The following EXOC4 variants were observed in gnomAD, a reference collection of about 807,000 sequenced individuals.
EXOC4 encodes SEC8-like 1.
In EXOC4, 71 loss-of-function variants were observed where a neutral mutation model predicts 107.2. The ratio of observed to expected loss-of-function variants is 0.66; its 90% CI spans 0.55 to 0.81. EXOC4 has a LOEUF of 0.81. Among genes scored for constraint, EXOC4 ranks in the 30% least tolerant of loss-of-function variants. The probability of loss-of-function intolerance (pLI) is 0.00; values close to 1 mark genes in which losing one functional copy is unlikely to be tolerated. For missense variants in EXOC4, 1,108 were observed against 1,189.6 expected, an observed-to-expected ratio of 0.93 and a Z score of 1.01; for synonymous variants, 456 against 441.2, an observed-to-expected ratio of 1.03 and a Z score of -0.42.
At chr7:133,480,806 C>T (rs1449230220) in intron 9 of EXOC4, 1 of 152,016 alleles carries the variant, frequency 6.6e-6, no homozygotes, top group Non-Finnish European at 1.5e-5. Context: ...GTAATCTCAG[C>T]ACTTTGGGAG....
At chr7:133,909,353 G>A (rs1799637706) in intron 12 of EXOC4, among the ~76,000 whole-genome samples, 1 of 152,152 alleles carries the variant, frequency 6.6e-6, no homozygotes, top group African/African-American at 2.4e-5. Context: ...TAAGGATGAT[G>A]TGATTAAACA....
chr7:133,412,278 GTTTTTTTTT>G (rs35334259), intron 7 of EXOC4, among the ~76,000 whole-genome samples: 23 of 71,482 alleles, frequency 3.2e-4, no homozygotes, highest in Middle Eastern at 0.018. Flanking sequence ...TCAGAATTCA[GTTTTTTTTT>G]TTTTTTTTTT....
intron 14 of EXOC4, among the ~76,000 whole-genome samples, chr7:133,939,348 C>G (rs185844807): frequency 2.0e-4 from 30 of 152,220 alleles, no homozygotes; most frequent in African/African-American, 7.2e-4. Context: ...GTCTAAGGAA[C>G]CCCTTGAGTG....
Position 133,317,362 on chromosome 7 carries a change from T to A in EXOC4, c.735T>A (p.Ser245=). 1 of 1,610,650 alleles carries A rather than the reference T, an allele frequency of 6.2e-7. No homozygotes were observed. The highest frequency in any genetic ancestry group is 1.1e-5 in the South Asian group (1 of 91,004). Residue 245 remains serine (S), a synonymous_variant, in exon 5 of 18, where the codon TCT becomes TCA. Transcript: ENST00000253861. ...CTCCTCGAAAATTCCTTGATACCTC[T>A]CACTATTCTACTGCTGGAAGCTCAA... ...LPTPRKFLDT[S]HYSTAGSSSV... is the part of the protein sequence containing the mutation.
chr7:133,848,591 C>A (rs904837541), intron 11 of EXOC4, among the ~76,000 whole-genome samples: 1 of 152,214 alleles, frequency 6.6e-6, no homozygotes, highest in Non-Finnish European at 1.5e-5. Context: ...TGAATGCACA[C>A]ATGGCATTTT....
chr7:133,323,437 G>T (rs1464315415), intron 5 of EXOC4, among the ~76,000 whole-genome samples: 1 of 152,040 alleles, frequency 6.6e-6, no homozygotes, highest in Non-Finnish European at 1.5e-5. Context: ...GTTGAATTTT[G>T]TCAAAGGCCT....
At chr7:133,443,044 A>G (rs1798138922) in intron 7 of EXOC4, among the ~76,000 whole-genome samples, 1 of 152,118 alleles carries the variant, frequency 6.6e-6, no homozygotes, top group African/African-American at 2.4e-5. Flanking sequence ...GGTGTTTGTG[A>G]AGTAGTGGAG....
intron 7 of EXOC4, among the ~76,000 whole-genome samples, chr7:133,404,878 C>CT (rs1471716082): frequency 1.5e-5 from 1 of 65,666 alleles, no homozygotes; most frequent in Non-Finnish European, 2.9e-5. Context: ...TGCGCCCCCC[C>CT]CCCCAATACA....
chr7:134,061,609 T>C (rs113633717), intron 17 of EXOC4, among the ~76,000 whole-genome samples: 228 of 152,326 alleles, frequency 1.5e-3, no homozygotes, highest in Non-Finnish European at 2.9e-3. Context: ...GAGCCCCAGA[T>C]TCACTCTCAT....
intron 5 of EXOC4, among the ~76,000 whole-genome samples, chr7:133,347,227 T>C (rs1490365066): frequency 6.6e-6 from 1 of 151,736 alleles, no homozygotes; most frequent in Non-Finnish European, 1.5e-5. Flanking sequence ...ATCAAGGATA[T>C]ATAGACGTAA....
chr7:134,048,043 A>C (rs1313317587), intron 17 of EXOC4, among the ~76,000 whole-genome samples: 1 of 152,222 alleles, frequency 6.6e-6, no homozygotes, highest in African/African-American at 2.4e-5. Context: ...GTTGAGTCAC[A>C]GATGAAATCA....
chr7:133,887,722 C>A (rs1189817482), intron 11 of EXOC4, among the ~76,000 whole-genome samples: 1 of 152,212 alleles, frequency 6.6e-6, no homozygotes, highest in Non-Finnish European at 1.5e-5. Context: ...GGCATCTCCT[C>A]ATGCTCATCT....
chr7:133,610,875 G>C (rs1802060778), intron 9 of EXOC4, among the ~76,000 whole-genome samples: 1 of 150,524 alleles, frequency 6.6e-6, no homozygotes, highest in South Asian at 2.1e-4. Flanking sequence ...GCAGTGACGT[G>C]ATTAGGGCTC....
At chr7:133,922,145 C>T (rs543394095) in intron 13 of EXOC4, among the ~76,000 whole-genome samples, 23 of 152,164 alleles carry the variant, frequency 1.5e-4, no homozygotes, top group Admixed American at 4.6e-4. Flanking sequence ...ATTATATATA[C>T]ATACTTTTAA....
chr7:133,534,234 A>G lies in EXOC4; in HGVS notation c.1417+54096A>G, dbSNP rs151261596. Among the ~76,000 whole-genome samples, 319 of 152,238 alleles carry G rather than the reference A, an allele frequency of 2.1e-3. 2 individuals are homozygous for G. Among genetic ancestry groups the G allele is most frequent in the Non-Finnish European group, 4.2e-3 (288 of 68,010 alleles). ...TAGGATTTGATTAATGACTGCATAC[A>G]TTTTAAATGATGTCACATTGAAATG... On this transcript the variant is annotated intron_variant, in intron 9 of 17. Transcript: ENST00000253861.
intron 10 of EXOC4, among the ~76,000 whole-genome samples, chr7:133,750,534 C>T (rs1310166458): frequency 6.6e-6 from 1 of 151,554 alleles, no homozygotes; most frequent in Non-Finnish European, 1.5e-5. Flanking sequence ...TAGTGTGCTG[C>T]TAGAGAACGT....
intron 17 of EXOC4, among the ~76,000 whole-genome samples, chr7:134,012,213 G>A (rs1416159730): frequency 2.6e-5 from 4 of 152,098 alleles, no homozygotes; most frequent in South Asian, 2.1e-4. Flanking sequence ...CAGTCTGGCC[G>A]CGATGTTGAA....
the EXOC4 span, among the ~76,000 whole-genome samples, chr7:134,075,700 A>G: frequency 6.6e-6 from 1 of 152,186 alleles, no homozygotes; most frequent in Admixed American, 6.5e-5. Context: ...AAACCATATC[A>G]GGGCTCTTCT....
At chr7:133,534,958 C>T (rs1460913418) in intron 9 of EXOC4, among the ~76,000 whole-genome samples, 1 of 152,086 alleles carries the variant, frequency 6.6e-6, no homozygotes, top group Non-Finnish European at 1.5e-5. Flanking sequence ...GATGTGTCAA[C>T]AGATTTGATG....
Sources: gnomAD v4.1 joint callset for allele counts (sites outside exome capture counted in the v4.1 genomes callset) on GRCh38, gnomAD v4.1.1 for gene constraint, MANE v1.5 for transcripts, NCBI Gene and HGNC (gene_info 2026-07-23, HGNC 2026-07-21) for gene names.